The following ADAMTSL1 variants were observed in gnomAD, a reference collection of about 807,000 sequenced individuals.
ADAMTSL1 encodes ADAMTS like 1.
ADAMTSL1 carries 126 observed loss-of-function variants against 201.8 expected under a neutral mutation model. The ratio of observed to expected loss-of-function variants is 0.62; its 90% CI spans 0.54 to 0.72. The LOEUF (loss-of-function observed/expected upper bound fraction) is 0.72. ADAMTSL1 is among the 30% of genes least tolerant of loss of function. The pLI, the probability that ADAMTSL1 is intolerant of heterozygous loss-of-function variation, is 0.00. For synonymous variants in ADAMTSL1, 1,121 were observed against 903.4 expected (o/e 1.24, Z -4.32); for missense variants, 2,679 against 2,277.8 (o/e 1.18, Z -3.59).
intron 1 of ADAMTSL1, among the ~76,000 whole-genome samples, chr9:18,016,394 C>T (rs933254484): frequency 3.9e-5 from 6 of 152,008 alleles, no homozygotes; most frequent in South Asian, 2.1e-4. Flanking sequence ...TTTCTAGTAT[C>T]GGTTGTCCTT....
At chr9:17,977,737 G>A (rs149787619) in intron 1 of ADAMTSL1, among the ~76,000 whole-genome samples, 37 of 152,062 alleles carry the variant, frequency 2.4e-4, no homozygotes, top group Admixed American at 5.2e-4. Context: ...TCTGCAGAAG[G>A]TTTTGTGTGT....
chr9:17,913,629 A>G (rs1214271082), intron 1 of ADAMTSL1, among the ~76,000 whole-genome samples: 1 of 152,202 alleles, frequency 6.6e-6, no homozygotes, highest in Non-Finnish European at 1.5e-5. Flanking sequence ...AGCAAGAGCA[A>G]ACATATTCAA....
chr9:18,024,666 T>A (rs571200067), intron 1 of ADAMTSL1, among the ~76,000 whole-genome samples: 1 of 152,168 alleles, frequency 6.6e-6, no homozygotes, highest in Non-Finnish European at 1.5e-5. Flanking sequence ...TAGTCTACCA[T>A]TGATGGACAT....
chr9:17,947,343 A>ACC (rs1554668699), intron 1 of ADAMTSL1, among the ~76,000 whole-genome samples: 2 of 146,916 alleles, frequency 1.4e-5, no homozygotes, highest in Non-Finnish European at 3.0e-5. Context: ...ACACACACAC[A>ACC]CACCCCACTA....
intron 1 of ADAMTSL1, among the ~76,000 whole-genome samples, chr9:18,026,870 AT>A (rs1415384596): frequency 2.0e-5 from 3 of 151,702 alleles, no homozygotes; most frequent in Admixed American, 2.0e-4. Flanking sequence ...TTTATTACTG[AT>A]TCAGTTTCAG....
intron 2 of ADAMTSL1, among the ~76,000 whole-genome samples, chr9:18,242,053 C>T (rs1284323192): frequency 2.0e-5 from 3 of 152,020 alleles, no homozygotes; most frequent in Non-Finnish European, 1.5e-5. Context: ...ACAAAGACAT[C>T]ACAAGAAAAG....
intron 22 of ADAMTSL1, among the ~76,000 whole-genome samples, chr9:18,827,549 C>T (rs1361172381): frequency 6.6e-6 from 1 of 152,172 alleles, no homozygotes; most frequent in African/African-American, 2.4e-5. Flanking sequence ...TTGTTTTGCG[C>T]TGGGTTTCAT....
At chr9:18,310,662 C>G (rs1356834928) in intron 2 of ADAMTSL1, among the ~76,000 whole-genome samples, 2 of 152,138 alleles carry the variant, frequency 1.3e-5, no homozygotes, top group Non-Finnish European at 2.9e-5. Flanking sequence ...GAGATACCAT[C>G]TCACGCCAGT....
chr9:18,547,959 A>G (rs1006870443), intron 3 of ADAMTSL1, among the ~76,000 whole-genome samples: 4 of 151,970 alleles, frequency 2.6e-5, no homozygotes, highest in African/African-American at 9.7e-5. Context: ...TGCAAATAAA[A>G]ATTCCAAAAC....
chr9:18,555,991 A>G (rs1045244873), intron 3 of ADAMTSL1, among the ~76,000 whole-genome samples: 1 of 151,638 alleles, frequency 6.6e-6, no homozygotes, highest in Non-Finnish European at 1.5e-5. Flanking sequence ...AACTTAAAGT[A>G]TAATAAAAAA....
intron 2 of ADAMTSL1, among the ~76,000 whole-genome samples, chr9:18,371,176 C>T (rs191585974): frequency 6.6e-6 from 1 of 152,158 alleles, no homozygotes; most frequent in Non-Finnish European, 1.5e-5. Flanking sequence ...TATTCATGTT[C>T]TGATGCTTTG....
intron 15 of ADAMTSL1, among the ~76,000 whole-genome samples, chr9:18,741,622 A>G (rs1449100690): frequency 6.6e-6 from 1 of 152,234 alleles, no homozygotes. Flanking sequence ...AATAATAGAA[A>G]TGTATTCCAA....
At chr9:18,538,283 A>T (rs949060916) in intron 3 of ADAMTSL1, among the ~76,000 whole-genome samples, 1 of 152,112 alleles carries the variant, frequency 6.6e-6, no homozygotes. Context: ...CCTCAATTTG[A>T]CATGATTCAC....
chr9:18,157,865 G>T (rs188593903), intron 1 of ADAMTSL1, among the ~76,000 whole-genome samples: 22 of 152,088 alleles, frequency 1.4e-4, no homozygotes, highest in Admixed American at 1.4e-3. Flanking sequence ...AGAGTTGGCA[G>T]CCATTAGCTG....
intron 4 of ADAMTSL1, among the ~76,000 whole-genome samples, chr9:18,589,543 T>G (rs998708480): frequency 3.3e-5 from 5 of 152,208 alleles, no homozygotes; most frequent in African/African-American, 1.2e-4. Flanking sequence ...GACTTCTTCC[T>G]TTACAATTTA....
chr9:18,828,062 T>A (rs1824695674), intron 22 of ADAMTSL1, among the ~76,000 whole-genome samples: 1 of 152,204 alleles, frequency 6.6e-6, no homozygotes, highest in Admixed American at 6.5e-5. Flanking sequence ...CTATGAGGAC[T>A]TGAAATGCAG....
chr9:18,653,657 G>A (rs1471806814), intron 7 of ADAMTSL1, among the ~76,000 whole-genome samples: 1 of 151,572 alleles, frequency 6.6e-6, no homozygotes, highest in Admixed American at 6.6e-5. Flanking sequence ...GGGGCCTATG[G>A]GCTGAACTGC....
chr9:18,079,856 T>A (rs1268403912), intron 1 of ADAMTSL1, among the ~76,000 whole-genome samples: 3 of 152,038 alleles, frequency 2.0e-5, no homozygotes, highest in Admixed American at 6.6e-5. Context: ...AAGGGGTGAT[T>A]TTGTTGAGGG....
chr9:18,133,635 G>A (rs10963469), intron 1 of ADAMTSL1, among the ~76,000 whole-genome samples: 59,818 of 151,860 alleles, frequency 0.39, 12,834 homozygotes, highest in South Asian at 0.48. Context: ...CCCCATTCAA[G>A]GTCTGATAGC....
Sources: allele counts gnomAD v4.1 joint callset (sites outside exome capture counted in the v4.1 genomes callset), GRCh38; gene constraint gnomAD v4.1.1; transcripts MANE v1.5; gene names NCBI Gene and HGNC (gene_info 2026-07-23, HGNC 2026-07-21).